PLAAT3: variants seen among roughly 807,000 people sequenced by gnomAD.
PLAAT3 encodes the protein phospholipase A and acyltransferase 3, also known as Ca-independent phospholipase A1/2.
Under a neutral mutation model 16.7 loss-of-function variants are expected in PLAAT3, and 21 were observed. The ratio of observed to expected loss-of-function variants is 1.26; its 90% CI spans 0.89 to 1.81. PLAAT3 has a LOEUF of 1.81. PLAAT3 is among the 40% of genes most tolerant of loss of function. PLAAT3 has a pLI of 0.00. For missense variants in PLAAT3, 219 were observed against 213.7 expected, an observed-to-expected ratio of 1.02 and a Z score of -0.16; for synonymous variants, 76 against 81.7, an observed-to-expected ratio of 0.93 and a Z score of 0.38.
chr11:63,574,876 C>T lies in PLAAT3; in HGVS notation c.*69G>A. ...CACAATGAAATCCACAAACCAAACC[C>T]CAAACTCTCTAGCAAAACAAGACCC... On this transcript the variant is annotated 3_prime_UTR_variant, in exon 5 of 5. Coordinates refer to ENST00000415826, the MANE Select transcript of PLAAT3 (RefSeq NM_001128203.2). 1.1e-6 allele frequency: 1 copy of T among 934,768 alleles called. No homozygotes were observed. Among genetic ancestry groups the T allele is most frequent in the Non-Finnish European group, 1.8e-6 (1 of 568,228 alleles). The allele number at this position is 934,768 out of a possible 1,614,324, so 57.9% of individuals were successfully genotyped here. A position where few individuals can be genotyped will look rare whatever the true frequency, so the allele number is the denominator to read the frequency against.
upstream of PLAAT3, among the ~76,000 whole-genome samples, chr11:63,615,322 G>A (rs199795942): frequency 1.8e-4 from 2 of 11,058 alleles, no homozygotes. Context: ...GTGTATATAT[G>A]TGTGTATATA....
At chr11:63,579,286 C>T (rs369974344) in intron 4 of PLAAT3, among the ~76,000 whole-genome samples, 7 of 152,134 alleles carry the variant, frequency 4.6e-5, no homozygotes, top group Admixed American at 6.5e-5. Flanking sequence ...GACTGTAAAC[C>T]AGTTCAACCA....
At chr11:63,616,885 A>C (rs1938888315), upstream of PLAAT3, 1 of 151,242 alleles carries the variant, frequency 6.6e-6, no homozygotes, top group South Asian at 2.1e-4. Flanking sequence ...CGGGAGGCTG[A>C]GGCAAGAGAA....
chr11:63,613,822 C>T (rs1019999939), intron 2 of PLAAT3, among the ~76,000 whole-genome samples, 178 bp downstream of exon 2: 1 of 152,266 alleles, frequency 6.6e-6, no homozygotes, highest in East Asian at 1.9e-4. Context: ...GCCGAGACAA[C>T]TCCCAACAGG....
At chr11:63,606,102 G>A (rs922281162) in intron 2 of PLAAT3, among the ~76,000 whole-genome samples, 2 of 152,050 alleles carry the variant, frequency 1.3e-5, no homozygotes, top group South Asian at 2.1e-4. Context: ...CATCAAGAGC[G>A]CGGTGTAAGC....
intron 4 of PLAAT3, among the ~76,000 whole-genome samples, chr11:63,584,402 C>CT (rs1415801553): frequency 1.3e-5 from 2 of 149,152 alleles, no homozygotes; most frequent in African/African-American, 2.5e-5. Flanking sequence ...GTAGGAGAAT[C>CT]TTTTTTTTAG....
intron 2 of PLAAT3, among the ~76,000 whole-genome samples, chr11:63,613,772 T>C (rs1938753665): frequency 6.6e-6 from 1 of 152,164 alleles, no homozygotes; most frequent in South Asian, 2.1e-4. Flanking sequence ...CTGGGCGCGT[T>C]TCAGGCAGGG....
In PLAAT3 at chr11:63,591,859, A is replaced by G. The variant is rs549467654; in HGVS notation, c.119-1491T>C. ...TCCCAGGCAAAGTGGGTGACAGCGC[A>G]GGGACTCGGAAGAGGCAAGCAAGTT... On this transcript the variant is annotated intron_variant, in intron 3 of 4. Transcript: ENST00000415826. Among the ~76,000 whole-genome samples the G allele has an allele frequency of 3.3e-5, 5 of 152,344 alleles. No homozygotes were observed. In the South Asian group the frequency reaches 8.3e-4, roughly 25 times the overall value.
At chr11:63,585,875 T>C (rs1937958333) in intron 4 of PLAAT3, among the ~76,000 whole-genome samples, 1 of 152,226 alleles carries the variant, frequency 6.6e-6, no homozygotes. Flanking sequence ...AAGACATTTC[T>C]TAGTTATTTT....
Position 63,614,024 on chromosome 11 carries a change from C to A in PLAAT3, c.-10G>T, listed in dbSNP as rs747093146. ...CAATGGGCGCACGCATCTTCCCTCG[C>A]GGTGTGGACCCTCAAGGCCAGGCTC... On this transcript the variant is annotated 5_prime_UTR_variant, in exon 2 of 5. Coordinates refer to ENST00000415826, the MANE Select transcript of PLAAT3 (RefSeq NM_001128203.2). The A allele has an allele frequency of 1.9e-6, 3 of 1,612,198 alleles. No homozygotes were observed. Among genetic ancestry groups the A allele is most frequent in the Non-Finnish European group, 2.5e-6 (3 of 1,178,516 alleles).
At chr11:63,592,758 C>A (rs906010788) in intron 3 of PLAAT3, among the ~76,000 whole-genome samples, 3 of 152,164 alleles carry the variant, frequency 2.0e-5, no homozygotes, top group African/African-American at 7.2e-5. Context: ...ACTGCACAGG[C>A]AGCTGTGAGG....
chr11:63,601,998 C>A (rs371569178), intron 2 of PLAAT3, among the ~76,000 whole-genome samples: 17,417 of 77,280 alleles, frequency 0.23, 1,371 homozygotes, highest in Middle Eastern at 0.38. Context: ...AAAAAAAAAA[C>A]AAAAGGAGGC....
intron 2 of PLAAT3, 33 bp downstream of exon 2, chr11:63,613,965 CAG>C: frequency 1.5e-6 from 2 of 1,323,940 alleles, no homozygotes; most frequent in Non-Finnish European, 2.2e-6. Context: ...AGGGGGCTCC[CAG>C]CCCCGCCCAG....
chr11:63,576,243 C>T (rs562237311), intron 4 of PLAAT3, among the ~76,000 whole-genome samples: 1 of 152,288 alleles, frequency 6.6e-6, no homozygotes, highest in Admixed American at 6.5e-5. Flanking sequence ...CCCCTACACC[C>T]ACCCCCACTC....
chr11:63,613,971 C>T (rs751186736), intron 2 of PLAAT3, 29 bp downstream of exon 2: 12 of 1,428,062 alleles, frequency 8.4e-6, no homozygotes, highest in Non-Finnish European at 1.2e-5. Context: ...CTCCCAGCCC[C>T]GCCCAGCCCC....
chr11:63,587,091 A>G (rs1937998967), intron 4 of PLAAT3, among the ~76,000 whole-genome samples: 1 of 152,246 alleles, frequency 6.6e-6, no homozygotes, highest in Non-Finnish European at 1.5e-5. Flanking sequence ...CTTAATAAAT[A>G]AAAAGATACA....
At position 63,594,546 on chromosome 11, in the gene PLAAT3, C is replaced by T. The variant is rs530288490; in HGVS notation, c.118+3515G>A. Among the ~76,000 whole-genome samples the T allele has an allele frequency of 8.6e-4, 131 of 152,044 alleles. 6 individuals carry two copies. The South Asian group carries it at 0.027, about 31-fold the overall frequency. ...GCAAGATGTGGAAGCTTTTCCCTACCCTTGAGAACTGCTCTGTCAGGGGGG... is the reference window on the plus strand; with the variant it reads ...GCAAGATGTGGAAGCTTTTCCCTACTCTTGAGAACTGCTCTGTCAGGGGGG... On this transcript the variant is annotated intron_variant, in intron 3 of 4. Coordinates refer to ENST00000415826, the MANE Select transcript of PLAAT3 (RefSeq NM_001128203.2).
At chr11:63,595,467 T>C (rs1311439062) in intron 3 of PLAAT3, among the ~76,000 whole-genome samples, 1 of 152,106 alleles carries the variant, frequency 6.6e-6, no homozygotes, top group Non-Finnish European at 1.5e-5. Flanking sequence ...ATGACTCACA[T>C]GGGCATGATG....
At chr11:63,592,288 TC>T (rs199690331) in intron 3 of PLAAT3, among the ~76,000 whole-genome samples, 4,929 of 152,116 alleles carry the variant, frequency 0.032, 168 homozygotes, top group Admixed American at 0.11. Context: ...TGCCTCAACC[TC>T]CTGAGTAGCT....
Sources: gnomAD v4.1 joint callset for allele counts (sites outside exome capture counted in the v4.1 genomes callset) on GRCh38, gnomAD v4.1.1 for gene constraint, MANE v1.5 for transcripts, NCBI Gene and HGNC (gene_info 2026-07-23, HGNC 2026-07-21) for gene names.